ANKRD30B: variants seen among roughly 807,000 people sequenced by gnomAD.
ANKRD30B encodes ankyrin repeat domain 30B, also known as ankyrin repeat domain-containing protein 30B.
ANKRD30B carries 144 observed loss-of-function variants against 202.2 expected under a neutral mutation model. That is an observed-to-expected ratio of 0.71 (90% CI 0.62 to 0.82). The LOEUF is 0.82. Among genes scored for constraint, ANKRD30B ranks in the 40% least tolerant of loss-of-function variants. The pLI is 0.00. For synonymous variants in ANKRD30B, 508 were observed against 561.3 expected (o/e 0.91, Z 1.34); for missense variants, 1,487 against 1,669.1 (o/e 0.89, Z 1.90).
the ANKRD30B span, among the ~76,000 whole-genome samples, chr18:14,878,849 G>T: frequency 6.6e-6 from 1 of 152,178 alleles, no homozygotes; most frequent in Non-Finnish European, 1.5e-5. Flanking sequence ...CAGGAAAAAG[G>T]TGCTGTGCAG....
chr18:14,891,700 T>TGATG, the ANKRD30B span, among the ~76,000 whole-genome samples: 10 of 152,172 alleles, frequency 6.6e-5, no homozygotes, highest in Non-Finnish European at 1.5e-4. Flanking sequence ...TGAAGGATTA[T>TGATG]GATGTTGATG....
chr18:14,762,653 T>C (rs1232149685), intron 6 of ANKRD30B, among the ~76,000 whole-genome samples: 2 of 152,058 alleles, frequency 1.3e-5, no homozygotes, highest in Non-Finnish European at 2.9e-5. Flanking sequence ...ATAGCCAAAA[T>C]ATTATCATTA....
At chr18:14,753,292 G>A (rs1451611316) in intron 3 of ANKRD30B, among the ~76,000 whole-genome samples, 1 of 151,674 alleles carries the variant, frequency 6.6e-6, no homozygotes, top group Non-Finnish European at 1.5e-5. Context: ...TTTCCAATTA[G>A]TGTAAAACTA....
chr18:14,834,426 A>C (rs1471963980), intron 34 of ANKRD30B, among the ~76,000 whole-genome samples: 1 of 152,078 alleles, frequency 6.6e-6, no homozygotes, highest in African/African-American at 2.4e-5. Context: ...TACATGAGAG[A>C]GGATGAGACA....
At chr18:14,806,156 C>A (rs1366339726) in intron 24 of ANKRD30B, among the ~76,000 whole-genome samples, 1 of 148,928 alleles carries the variant, frequency 6.7e-6, no homozygotes, top group Admixed American at 6.7e-5. Context: ...GGAGGTGGAG[C>A]TTACAGTCAG....
chr18:14,866,712 GC>G, the ANKRD30B span, among the ~76,000 whole-genome samples: 2 of 152,042 alleles, frequency 1.3e-5, no homozygotes, highest in African/African-American at 4.8e-5. Context: ...TGCTTTTGGG[GC>G]TGCACTGCCT....
intron 36 of ANKRD30B, among the ~76,000 whole-genome samples, chr18:14,839,803 T>C (rs1971337743): frequency 6.6e-6 from 1 of 152,236 alleles, no homozygotes; most frequent in Non-Finnish European, 1.5e-5. Flanking sequence ...AAACAGCTTT[T>C]AACAGAGTTC....
intron 7 of ANKRD30B, among the ~76,000 whole-genome samples, chr18:14,764,410 G>A (rs1915761120): frequency 6.6e-6 from 1 of 151,964 alleles, no homozygotes; most frequent in South Asian, 2.1e-4. Context: ...TAGTTTTTGA[G>A]ATGGAGTCTC....
the ANKRD30B span, chr18:14,905,498 G>A: frequency 6.6e-6 from 1 of 152,258 alleles, no homozygotes; most frequent in East Asian, 1.9e-4. Flanking sequence ...AGAAAGAAAT[G>A]CTTGAGTTAA....
the ANKRD30B span, among the ~76,000 whole-genome samples, chr18:14,894,837 A>T: frequency 7.1e-6 from 1 of 140,586 alleles, no homozygotes; most frequent in African/African-American, 2.6e-5. Context: ...ATATATCAAT[A>T]TATCCAACAT....
intron 7 of ANKRD30B, among the ~76,000 whole-genome samples, chr18:14,768,640 T>G (rs986230480): frequency 6.6e-6 from 1 of 152,198 alleles, no homozygotes; most frequent in Non-Finnish European, 1.5e-5. Context: ...ACACATTTGG[T>G]CACAGAAGTC....
intron 15 of ANKRD30B, among the ~76,000 whole-genome samples, chr18:14,788,027 T>G (rs1968200037): frequency 6.6e-6 from 1 of 152,224 alleles, no homozygotes; most frequent in African/African-American, 2.4e-5. Context: ...TTTAAGCCCC[T>G]GTTTACCGAA....
chr18:14,852,668 A>G, intron 42 of ANKRD30B: 1 of 314,710 alleles, frequency 3.2e-6, no homozygotes, highest in Non-Finnish European at 5.6e-6. Flanking sequence ...ATAGATTAAC[A>G]TTAATGACAT....
intron 5 of ANKRD30B, 89 bp from the exon 6 acceptor site, chr18:14,760,465 T>A: frequency 1.4e-6 from 1 of 732,414 alleles, no homozygotes; most frequent in South Asian, 1.9e-5. Context: ...TGATATTGTC[T>A]GAAATACTCT....
chr18:14,835,048 A>T (rs1300910390), intron 34 of ANKRD30B, among the ~76,000 whole-genome samples: 1 of 151,884 alleles, frequency 6.6e-6, no homozygotes, highest in African/African-American at 2.4e-5. Context: ...ACTCTTTTAT[A>T]TAACCTTGGT....
the ANKRD30B span, among the ~76,000 whole-genome samples, chr18:14,929,805 G>C: frequency 6.6e-6 from 1 of 152,154 alleles, no homozygotes; most frequent in Admixed American, 6.5e-5. Context: ...GTGTGTGTAT[G>C]TGTGTGTGCA....
At chr18:14,828,390 A>C in intron 33 of ANKRD30B, 82 bp downstream of exon 33, 1 of 1,009,656 alleles carries the variant, frequency 9.9e-7, no homozygotes, top group South Asian at 1.6e-5. Flanking sequence ...TGAGTATTCT[A>C]CTCTGGGCTA....
chr18:14,836,248 CT>C (rs1176121735), intron 34 of ANKRD30B, among the ~76,000 whole-genome samples: 1 of 152,158 alleles, frequency 6.6e-6, no homozygotes, highest in Non-Finnish European at 1.5e-5. Flanking sequence ...AGGTCTCAAA[CT>C]GAAAACATCA....
intron 1 of ANKRD30B, 93 bp downstream of exon 1, chr18:14,748,733 G>C (rs1484453085): frequency 1.6e-6 from 2 of 1,282,990 alleles, no homozygotes; most frequent in Non-Finnish European, 2.1e-6. Context: ...TCCTGGGGAC[G>C]AGGGGAGCAG....
Sources: allele counts gnomAD v4.1 joint callset (sites outside exome capture counted in the v4.1 genomes callset), GRCh38; gene constraint gnomAD v4.1.1; transcripts MANE v1.5; gene names NCBI Gene and HGNC (gene_info 2026-07-23, HGNC 2026-07-21).